VPS37A: variants seen among roughly 807,000 people sequenced by gnomAD.
VPS37A encodes VPS37A subunit of ESCRT-I.
In VPS37A, 30 loss-of-function variants were observed where a neutral mutation model predicts 49.8. The observed-to-expected ratio is 0.60, with a 90% CI of 0.45 to 0.82. VPS37A has a LOEUF of 0.82. Among genes scored for constraint, VPS37A ranks in the 40% least tolerant of loss-of-function variants. The probability of loss-of-function intolerance (pLI) is 0.00; values close to 1 mark genes in which losing one functional copy is unlikely to be tolerated. For missense variants in VPS37A, 593 were observed against 464.4 expected (o/e 1.28, Z -2.55); for synonymous variants, 195 against 160.6 (o/e 1.21, Z -1.62).
chr8:17,248,938 T>A (rs1265600738), intron 1 of VPS37A, among the ~76,000 whole-genome samples: 2 of 152,250 alleles, frequency 1.3e-5, no homozygotes, highest in African/African-American at 4.8e-5. Flanking sequence ...CTTTAAGAGC[T>A]ACTCTCACAA....
the VPS37A span, among the ~76,000 whole-genome samples, chr8:17,320,728 G>C: frequency 6.6e-6 from 1 of 151,920 alleles, no homozygotes; most frequent in Non-Finnish European, 1.5e-5. Context: ...ACAGTGCCCA[G>C]CAATACCAGA....
At chr8:17,280,477 A>G (rs1370742500) in intron 9 of VPS37A, 34 bp downstream of exon 9, 23 of 1,476,700 alleles carry the variant, frequency 1.6e-5, no homozygotes, top group Non-Finnish European at 2.1e-5. Context: ...TTTGCCATAG[A>G]TTTTTTTTTT....
chr8:17,313,755 T>TTGGG, the VPS37A span, among the ~76,000 whole-genome samples: 3 of 151,760 alleles, frequency 2.0e-5, no homozygotes, highest in African/African-American at 7.3e-5. Flanking sequence ...GGAATATGAA[T>TTGGG]TGGGAGTGCT....
At chr8:17,281,185 C>T (rs1049245404) in intron 9 of VPS37A, among the ~76,000 whole-genome samples, 2 of 151,962 alleles carry the variant, frequency 1.3e-5, no homozygotes, top group South Asian at 2.1e-4. Context: ...TGTCTTGCAC[C>T]GCATGAAGCT....
intron 1 of VPS37A, among the ~76,000 whole-genome samples, chr8:17,254,626 T>G (rs1423364946): frequency 6.6e-6 from 1 of 152,140 alleles, no homozygotes; most frequent in African/African-American, 2.4e-5. Context: ...TTACTTTCTT[T>G]TTCTTCTTTT....
intron 2 of VPS37A, 142 bp downstream of exon 2, chr8:17,266,123 TAAA>T: frequency 1.3e-6 from 1 of 745,092 alleles, no homozygotes; most frequent in South Asian, 2.0e-5. Flanking sequence ...TTCAGTGAAA[TAAA>T]AATATTCGAA....
intron 11 of VPS37A, among the ~76,000 whole-genome samples, chr8:17,290,406 A>G (rs982498427): frequency 1.3e-5 from 2 of 152,138 alleles, no homozygotes; most frequent in Non-Finnish European, 2.9e-5. Context: ...GTTGAATTTT[A>G]TCGAAGGCCT....
At chr8:17,289,299 T>C (rs1203804200) in intron 11 of VPS37A, among the ~76,000 whole-genome samples, 1 of 152,220 alleles carries the variant, frequency 6.6e-6, no homozygotes, top group Non-Finnish European at 1.5e-5. Context: ...TCCTGAATGG[T>C]ATTGCCTAGG....
At chr8:17,255,916 ATTTTCT>A (rs1812405507) in intron 1 of VPS37A, among the ~76,000 whole-genome samples, 1 of 152,058 alleles carries the variant, frequency 6.6e-6, no homozygotes, top group Non-Finnish European at 1.5e-5. Context: ...ATTATGCCAC[ATTTTCT>A]TTATCCATTC....
chr8:17,279,296 T>C (rs759478935), intron 6 of VPS37A, among the ~76,000 whole-genome samples: 4 of 152,106 alleles, frequency 2.6e-5, no homozygotes, highest in Non-Finnish European at 4.4e-5. Context: ...AATCATGCAC[T>C]GACCTGGTCT....
At position 17,247,087 on chromosome 8, in the gene VPS37A, G is replaced by A. The variant is rs1472017842; in HGVS notation, c.-158G>A. On this transcript the variant is annotated 5_prime_UTR_variant, in exon 1 of 12. Coordinates refer to ENST00000324849, the MANE Select transcript of VPS37A (RefSeq NM_152415.3). ...CGTAGCATGTCCCCCAGAACTCGGG[G>A]AGCGCAGGCAGGACAGGCTTAGAGA... 9 of 944,506 alleles carry A rather than the reference G, an allele frequency of 9.5e-6. No homozygotes were observed. Among genetic ancestry groups the A allele is most frequent in the Non-Finnish European group, 1.4e-5 (9 of 644,746 alleles). The allele number at this position is 944,506 out of a possible 1,614,324, so 58.5% of individuals were successfully genotyped here. A position where few individuals can be genotyped will look rare whatever the true frequency, so the allele number is the denominator to read the frequency against.
chr8:17,299,760 A>G (rs141968714), downstream of VPS37A: 14 of 1,493,224 alleles, frequency 9.4e-6, no homozygotes, highest in East Asian at 2.5e-4. Flanking sequence ...GTAGTTCTCA[A>G]TGACATGCAC....
At chr8:17,299,559 A>G (rs1183889399), downstream of VPS37A, 1 of 293,048 alleles carries the variant, frequency 3.4e-6, no homozygotes, top group African/African-American at 2.1e-5. Flanking sequence ...GACAAGGAAG[A>G]TAGATACTGA....
In VPS37A at chr8:17,296,398, T is replaced by C. The variant is rs1355843127; in HGVS notation, c.*1412T>C. On this transcript the variant is annotated 3_prime_UTR_variant, in exon 12 of 12. Transcript: ENST00000324849. ...GGAATAATTAATTATTACTCCTGAT[T>C]TGTAGATAACTGAGGTAAGAGTGTT... 3 of 152,190 alleles carry C rather than the reference T, an allele frequency of 2.0e-5. No individual in the cohort carries two copies. The highest frequency in any genetic ancestry group is 4.4e-5 in the Non-Finnish European group (3 of 68,022). The allele number at this position is 152,190 out of a possible 1,614,324, so 9.4% of individuals were successfully genotyped here.
chr8:17,325,896 A>G, the VPS37A span, among the ~76,000 whole-genome samples: 3 of 152,184 alleles, frequency 2.0e-5, no homozygotes, highest in Non-Finnish European at 4.4e-5. Flanking sequence ...CAACGTATCC[A>G]TTTCATTGAG....
chr8:17,327,311 C>T, the VPS37A span, among the ~76,000 whole-genome samples: 19 of 152,190 alleles, frequency 1.2e-4, no homozygotes, highest in Admixed American at 7.9e-4. Context: ...CTCTCTGTCA[C>T]CCAGGCTGGA....
In VPS37A at chr8:17,297,360, A is replaced by G. The variant is rs566162777; in HGVS notation, c.*2374A>G. On this transcript the variant is annotated 3_prime_UTR_variant, in exon 12 of 12. Coordinates refer to ENST00000324849, the MANE Select transcript of VPS37A (RefSeq NM_152415.3). ...CATAAATTGAGACTAGGAAATTTAT[A>G]TCAGAATAGAGGGTGCTTGACACAT... 6.7e-6 allele frequency: 1 copy of G among 149,796 alleles called. No individual in the cohort carries two copies. The highest frequency in any genetic ancestry group is 2.4e-5 in the African/African-American group (1 of 41,176). 9.3% of individuals were successfully genotyped at this position (149,796 alleles called of 1,614,324 possible). A position where few individuals can be genotyped will look rare whatever the true frequency, so the allele number is the denominator to read the frequency against.
At chr8:17,314,079 A>C in the VPS37A span, among the ~76,000 whole-genome samples, 1 of 152,202 alleles carries the variant, frequency 6.6e-6, no homozygotes, top group African/African-American at 2.4e-5. Context: ...AGGTGTATAA[A>C]CACCTCTATA....
chr8:17,288,879 C>G (rs1563289787), intron 11 of VPS37A, among the ~76,000 whole-genome samples: 1 of 152,192 alleles, frequency 6.6e-6, no homozygotes, highest in Non-Finnish European at 1.5e-5. Context: ...TCTCCAGCAT[C>G]TGTTGTTTCC....
Sources: allele counts gnomAD v4.1 joint callset (sites outside exome capture counted in the v4.1 genomes callset), GRCh38; gene constraint gnomAD v4.1.1; transcripts MANE v1.5; gene names NCBI Gene and HGNC (gene_info 2026-07-23, HGNC 2026-07-21).